The following TNPO1 variants were observed in gnomAD, a reference collection of about 807,000 sequenced individuals.
TNPO1 encodes transportin-1.
TNPO1 carries 8 observed loss-of-function variants against 119.5 expected under a neutral mutation model. The observed-to-expected ratio is 0.07, with a 90% CI of 0.04 to 0.12. The LOEUF (loss-of-function observed/expected upper bound fraction) is 0.12. TNPO1 is among the 10% of genes least tolerant of loss of function. The probability of loss-of-function intolerance (pLI) is 1.00; values close to 1 mark genes in which losing one functional copy is unlikely to be tolerated. For missense variants in TNPO1, 576 were observed against 1,089.8 expected (o/e 0.53, Z 6.64); for synonymous variants, 362 against 363.0 (o/e 1.00, Z 0.03).
Position 72,914,323 on chromosome 5 carries a change from G to C in TNPO1, c.*5650G>C, listed in dbSNP as rs756452685. 1.9e-4 allele frequency: 29 copies of C among 152,690 alleles called. No homozygotes were observed. The highest frequency in any genetic ancestry group is 4.0e-4 in the Non-Finnish European group (27 of 67,996). The allele number at this position is 152,690 out of a possible 1,614,324, so 9.5% of individuals were successfully genotyped here. ...AGTAATTTTGTATTTACATTTGTAT[G>C]ATGTGACATAATAGATGTGAATGTT... On this transcript the variant is annotated 3_prime_UTR_variant, in exon 25 of 25. Transcript: ENST00000337273.
intron 18 of TNPO1, among the ~76,000 whole-genome samples, chr5:72,894,026 C>T (rs1396403338): frequency 1.3e-5 from 2 of 152,174 alleles, no homozygotes; most frequent in African/African-American, 4.8e-5. Flanking sequence ...TTTGAGTAGC[C>T]ACCTTTTTGG....
At chr5:72,822,627 C>G (rs1189025560) in intron 1 of TNPO1, among the ~76,000 whole-genome samples, 3 of 145,710 alleles carry the variant, frequency 2.1e-5, no homozygotes, top group African/African-American at 7.6e-5. Flanking sequence ...GAGTCTCGCT[C>G]TGTTGCCCAG....
rs1745258602 is a variant in TNPO1, at chr5:72,848,439, C to T, written c.70C>T (p.Leu24=). ...TGACGAGCAAGGGCTTCAGCAAATC[C>T]TGCAGCTGTTGAAGGAGTCCCAGTC... ...KPDEQGLQQI[L]QLLKESQSPD... is the part of the protein sequence containing the mutation. Residue 24 remains leucine (L), a synonymous_variant, in exon 2 of 25, where the codon CTG becomes TTG. Coordinates refer to ENST00000337273, the MANE Select transcript of TNPO1 (RefSeq NM_002270.4). 3 of 1,612,604 alleles carry T rather than the reference C, an allele frequency of 1.9e-6. No homozygotes were observed. The highest frequency in any genetic ancestry group is 1.1e-5 in the South Asian group (1 of 91,024).
chr5:72,841,375 T>C (rs1744907190), intron 1 of TNPO1, among the ~76,000 whole-genome samples: 1 of 152,220 alleles, frequency 6.6e-6, no homozygotes, highest in Non-Finnish European at 1.5e-5. Flanking sequence ...CGCCTCAGCC[T>C]CCCAAAGTGC....
At chr5:72,848,595 C>T (rs1486941574) in intron 2 of TNPO1, 97 bp downstream of exon 2, 13 of 588,678 alleles carry the variant, frequency 2.2e-5, no homozygotes, top group Admixed American at 4.7e-5. Context: ...CCGCCTCTGC[C>T]CCTCCCCCAT....
Position 72,881,477 on chromosome 5 carries a change from CTT to C in TNPO1, c.921-987_921-986del, listed in dbSNP as rs1748244353. 2.6e-5 allele frequency among the ~76,000 whole-genome samples: 4 copies of C among 152,210 alleles called. No homozygotes were observed. The South Asian group carries it at 6.2e-4, about 24-fold the overall frequency. On this transcript the variant is annotated intron_variant, in intron 9 of 24. Transcript: ENST00000337273. ...CTCTAGACTAATTGAACTCTGAAGT[CTT>C]TTCTTTAACCAGGTTGTTGAATGCC...
chr5:72,859,586 A>G (rs1167563585), intron 4 of TNPO1, among the ~76,000 whole-genome samples: 2 of 152,214 alleles, frequency 1.3e-5, no homozygotes, highest in Non-Finnish European at 2.9e-5. Context: ...AAGGAAGTCT[A>G]TTTGGAAGGG....
chr5:72,883,041 A>G, intron 10 of TNPO1, 23 bp from the exon 11 acceptor site: 1 of 1,595,768 alleles, frequency 6.3e-7, no homozygotes, highest in Admixed American at 1.7e-5. Flanking sequence ...TGCCACCAAA[A>G]ATTTCTCTTA....
At chr5:72,861,449 A>G (rs756167502) in intron 4 of TNPO1, among the ~76,000 whole-genome samples, 3 of 152,148 alleles carry the variant, frequency 2.0e-5, no homozygotes, top group Non-Finnish European at 4.4e-5. Flanking sequence ...CTGCCCAGGC[A>G]TGAGTGTGGT....
chr5:72,837,689 T>A (rs1221570183), intron 1 of TNPO1, among the ~76,000 whole-genome samples: 1 of 152,246 alleles, frequency 6.6e-6, no homozygotes, highest in African/African-American at 2.4e-5. Context: ...TCAGTAAACC[T>A]GGGTCTCAAT....
intron 1 of TNPO1, among the ~76,000 whole-genome samples, chr5:72,841,916 G>T (rs985156254): frequency 6.6e-6 from 1 of 151,046 alleles, no homozygotes; most frequent in Non-Finnish European, 1.5e-5. Flanking sequence ...ATTTTCTGTG[G>T]AAGTCTACAT....
At chr5:72,833,519 TAA>T (rs1744568045) in intron 1 of TNPO1, among the ~76,000 whole-genome samples, 1 of 152,208 alleles carries the variant, frequency 6.6e-6, no homozygotes, top group Admixed American at 6.5e-5. Flanking sequence ...TAATTACAGT[TAA>T]AGTTAATAAA....
rs1410952600 is a variant in TNPO1 at position 72,848,739 on chromosome 5, C to T, written c.129+241C>T. Among the ~76,000 whole-genome samples the T allele has an allele frequency of 2.0e-5, 3 of 147,520 alleles. No individual in the cohort carries two copies. In the East Asian group the frequency reaches 5.9e-4, roughly 29 times the overall value. On this transcript the variant is annotated intron_variant, in intron 2 of 24. Transcript: ENST00000337273. The stretch of plus-strand genomic sequence containing the variant: ...CGTGGGGCTCACGCCGCCAAGGCCA[C>T]CGGCTTCCGGCGCGCAGGAGGCGGG...
rs142718886 is a variant in TNPO1 at position 72,838,417 on chromosome 5, G to A, written c.16-9968G>A. On this transcript the variant is annotated intron_variant, in intron 1 of 24. Coordinates refer to ENST00000337273, the MANE Select transcript of TNPO1 (RefSeq NM_002270.4). ...CTTGGCTTATCAACTGTTTAGGTAT[G>A]TCTCACTTTATTAATTTGTAAAGTG... Among the ~76,000 whole-genome samples the A allele has an allele frequency of 1.4e-3, 209 of 152,178 alleles. 1 individual carries two copies. Among genetic ancestry groups the A allele is most frequent in the African/African-American group, 4.8e-3 (200 of 41,522 alleles).
chr5:72,909,960 A>G lies in TNPO1; in HGVS notation c.*1287A>G, dbSNP rs544599790. On this transcript the variant is annotated 3_prime_UTR_variant, in exon 25 of 25. Transcript: ENST00000337273. ...ACTTCTAAAATTTAAATTACGTGGT[A>G]AAAGATCTGTAAAAGGCTGCATAAA... 8.4e-4 allele frequency: 129 copies of G among 152,756 alleles called. No individual in the cohort carries two copies. Among genetic ancestry groups the G allele is most frequent in the African/African-American group, 3.0e-3 (125 of 41,574 alleles). The allele number at this position is 152,756 out of a possible 1,614,324, so 9.5% of individuals were successfully genotyped here.
In TNPO1 at chr5:72,890,960, C is replaced by T. The variant is rs142544951; in HGVS notation, c.1702-850C>T. Among the ~76,000 whole-genome samples the T allele has an allele frequency of 5.1e-4, 78 of 152,072 alleles. 2 individuals carry two copies. Among genetic ancestry groups the T allele is most frequent in the African/African-American group, 1.7e-3 (71 of 41,504 alleles). The stretch of plus-strand genomic sequence containing the variant: ...CCTCCACCTCCCGGGCTCAAGCGAT[C>T]CTCCCATTTCAGCCTCCCCTGTAGC... On this transcript the variant is annotated intron_variant, in intron 14 of 24. Transcript: ENST00000337273.
At chr5:72,863,549 C>T (rs533588588) in intron 5 of TNPO1, among the ~76,000 whole-genome samples, 2 of 151,952 alleles carry the variant, frequency 1.3e-5, no homozygotes, top group Non-Finnish European at 2.9e-5. Context: ...CATTTGAGGT[C>T]AGGAGTTTGA....
intron 24 of TNPO1, among the ~76,000 whole-genome samples, chr5:72,906,387 G>A (rs912810231): frequency 1.5e-5 from 2 of 130,636 alleles, no homozygotes; most frequent in Non-Finnish European, 3.1e-5. Flanking sequence ...CGCCTCTTGG[G>A]TTCAAGCAAT....
At position 72,893,235 on chromosome 5, in the gene TNPO1, G is replaced by A. The variant is rs745499493; in HGVS notation, c.1885G>A (p.Ala629Thr). The A allele has an allele frequency of 6.2e-7, 1 of 1,612,286 alleles. No individual in the cohort carries two copies. Among genetic ancestry groups the A allele is most frequent in the South Asian group, 1.1e-5 (1 of 90,424 alleles). ...TGTAAACCTAGTACAGAAGACTCTT[G>A]CACAAGCCATGGTAATTTTTTTAAA... ...RCVNLVQKTL[A>T]QAMLNNAQPD... The change falls in exon 16 of 25, where the codon GCA becomes ACA. Residue 629 changes from alanine to threonine, a missense_variant. By Grantham distance (58) the Ala-to-Thr change is moderately conservative. Transcript: ENST00000337273.
Sources: allele counts gnomAD v4.1 joint callset (sites outside exome capture counted in the v4.1 genomes callset), GRCh38; gene constraint gnomAD v4.1.1; transcripts MANE v1.5; gene names NCBI Gene and HGNC (gene_info 2026-07-23, HGNC 2026-07-21).